PIK3C2G: variants seen among roughly 807,000 people sequenced by gnomAD.
PIK3C2G encodes the protein phosphatidylinositol 3-kinase C2 domain-containing subunit gamma.
PIK3C2G carries 168 observed loss-of-function variants against 181.1 expected under a neutral mutation model. The observed-to-expected ratio is 0.93, with a 90% CI of 0.82 to 1.05. The LOEUF (loss-of-function observed/expected upper bound fraction) is 1.05. Among genes scored for constraint, PIK3C2G ranks in the 50% least tolerant of loss-of-function variants. The probability of loss-of-function intolerance (pLI) is 0.00; values close to 1 mark genes in which losing one functional copy is unlikely to be tolerated. For synonymous variants in PIK3C2G, 573 were observed against 592.2 expected, an observed-to-expected ratio of 0.97 and a Z score of 0.47; for missense variants, 1,869 against 1,732.8, an observed-to-expected ratio of 1.08 and a Z score of -1.40.
chr12:18,598,302 T>C (rs1947493100), intron 30 of PIK3C2G, among the ~76,000 whole-genome samples: 1 of 151,718 alleles, frequency 6.6e-6, no homozygotes, highest in African/African-American at 2.4e-5. Flanking sequence ...AAAACAGAGA[T>C]ATAGATCAAT....
chr12:18,297,052 T>G (rs974958829), intron 5 of PIK3C2G, among the ~76,000 whole-genome samples: 7 of 152,048 alleles, frequency 4.6e-5, no homozygotes, highest in African/African-American at 7.2e-5. Context: ...CAGTCAGCCT[T>G]TCCAGTGAGC....
intron 11 of PIK3C2G, among the ~76,000 whole-genome samples, chr12:18,348,365 C>A (rs1202253804): frequency 6.6e-6 from 1 of 151,688 alleles, no homozygotes; most frequent in Non-Finnish European, 1.5e-5. Flanking sequence ...AATGATCTAA[C>A]CAACTCTCCT....
intron 22 of PIK3C2G, among the ~76,000 whole-genome samples, chr12:18,498,090 A>G (rs1460743428): frequency 1.3e-5 from 2 of 152,108 alleles, no homozygotes; most frequent in Non-Finnish European, 1.5e-5. Context: ...AAAGAATACA[A>G]TTGTTACTTA....
intron 16 of PIK3C2G, 81 bp downstream of exon 16, chr12:18,399,928 C>A: frequency 1.4e-6 from 1 of 718,346 alleles, no homozygotes; most frequent in Non-Finnish European, 2.1e-6. Flanking sequence ...ATAATTAATT[C>A]AATAGCTATT....
In PIK3C2G at chr12:18,423,826, G is replaced by T. The variant is rs1945627399; in HGVS notation, c.2410-119G>T. ...CATAAAATCATCGAATGTGTTATTA[G>T]CATTTTGTTAAAATATGCATGCTGT... On this transcript the variant is annotated intron_variant, in intron 17 of 32. Transcript: ENST00000538779. 2.3e-5 allele frequency: 15 copies of T among 651,566 alleles called. No homozygotes were observed. In the South Asian group the frequency reaches 2.6e-4, roughly 11 times the overall value. 40.4% of individuals were successfully genotyped at this position (651,566 alleles called of 1,614,324 possible).
In PIK3C2G at chr12:18,563,672, C is replaced by T. The variant is rs1297531612; in HGVS notation, c.3902+174C>T. 2.0e-5 allele frequency among the ~76,000 whole-genome samples: 3 copies of T among 152,146 alleles called. No individual in the cohort carries two copies. The East Asian group carries it at 5.8e-4, about 29-fold the overall frequency. On this transcript the variant is annotated intron_variant, in intron 28 of 32. Coordinates refer to ENST00000538779, the MANE Select transcript of PIK3C2G (RefSeq NM_001288772.2). ...GCTCTCAGAGTGAAGAATCTTTTGT[C>T]TCATAAAACAGAACAAGATTTGCAA...
chr12:18,267,903 A>G (rs1185373186), intron 1 of PIK3C2G, among the ~76,000 whole-genome samples: 2 of 152,210 alleles, frequency 1.3e-5, no homozygotes, highest in Non-Finnish European at 2.9e-5. Flanking sequence ...GTCACCATAG[A>G]TGCGACATTT....
chr12:18,286,922 G>A lies in PIK3C2G; in HGVS notation c.754G>A (p.Val252Ile). 6.5e-7 allele frequency: 1 copy of A among 1,537,104 alleles called. No homozygotes were observed. The highest frequency in any genetic ancestry group is 2.0e-5 in the Admixed American group (1 of 49,856). The change falls in exon 3 of 33, where the codon GTA (valine) becomes ATA (isoleucine). Residue 252 changes from valine (V) to isoleucine (I), a missense_variant. Val to Ile is a conservative substitution (Grantham distance 29). Transcript: ENST00000538779. ...GAGTCTGGCCTCTTTTTGCAACAAA[G>A]TAAAAAAGTGAGTACTGGTATTTCA... ...NTSLASFCNK[V>I]KKIRERYHAA...
the PIK3C2G span, chr12:18,693,618 T>A: frequency 3.8e-6 from 6 of 1,565,178 alleles, no homozygotes; most frequent in Non-Finnish European, 5.3e-6. Context: ...GCACCGTCCA[T>A]TGTGTTTATT....
chr12:18,650,319 C>CTATA (rs1327950260), downstream of PIK3C2G, among the ~76,000 whole-genome samples: 65 of 96,728 alleles, frequency 6.7e-4, no homozygotes, highest in Admixed American at 7.8e-4. Flanking sequence ...CTCTCTCTCT[C>CTATA]TCTCTCTCTC....
intron 16 of PIK3C2G, among the ~76,000 whole-genome samples, chr12:18,401,960 T>C (rs183648833): frequency 6.6e-6 from 1 of 152,230 alleles, no homozygotes; most frequent in East Asian, 1.9e-4. Context: ...TGGAAAACAG[T>C]GTGACAGTTT....
chr12:18,263,481 G>A (rs914449642), intron 1 of PIK3C2G, among the ~76,000 whole-genome samples: 18 of 152,038 alleles, frequency 1.2e-4, no homozygotes, highest in Non-Finnish European at 2.4e-4. Context: ...CTCTACAAAT[G>A]ATGTGAGATT....
intron 12 of PIK3C2G, among the ~76,000 whole-genome samples, chr12:18,367,203 C>T (rs1032799527): frequency 2.0e-5 from 3 of 152,108 alleles, no homozygotes; most frequent in African/African-American, 7.2e-5. Context: ...AAAGAAAGAA[C>T]ATTAAAGAAA....
intron 11 of PIK3C2G, among the ~76,000 whole-genome samples, chr12:18,355,744 C>T (rs1455918069): frequency 6.6e-6 from 1 of 152,234 alleles, no homozygotes; most frequent in African/African-American, 2.4e-5. Flanking sequence ...CCCATTCACA[C>T]ACCTGTGGCC....
At chr12:18,449,957 C>CT (rs1350683257) in intron 18 of PIK3C2G, among the ~76,000 whole-genome samples, 1 of 152,270 alleles carries the variant, frequency 6.6e-6, no homozygotes, top group East Asian at 1.9e-4. Flanking sequence ...TGTTTTCTGA[C>CT]TTTTTAATGA....
chr12:18,628,360 G>A (rs1369118622), intron 31 of PIK3C2G, among the ~76,000 whole-genome samples: 1 of 152,036 alleles, frequency 6.6e-6, no homozygotes, highest in African/African-American at 2.4e-5. Flanking sequence ...TTTAAAATGT[G>A]CTTTGTTTTT....
chr12:18,680,622 T>C, the PIK3C2G span, among the ~76,000 whole-genome samples: 1 of 151,994 alleles, frequency 6.6e-6, no homozygotes, highest in Admixed American at 6.6e-5. Context: ...ATAATTAAAC[T>C]TTTCTGTAAC....
chr12:18,498,094 T>C (rs1356247653), intron 22 of PIK3C2G, among the ~76,000 whole-genome samples: 1 of 151,578 alleles, frequency 6.6e-6, no homozygotes, highest in African/African-American at 2.4e-5. Flanking sequence ...AATACAATTG[T>C]TACTTATTAA....
At chr12:18,504,491 ACCTAGAACTAAGGCAC>A (rs1941697939) in intron 23 of PIK3C2G, among the ~76,000 whole-genome samples, 2 of 152,140 alleles carry the variant, frequency 1.3e-5, no homozygotes, top group Non-Finnish European at 2.9e-5. Context: ...CATGTAGGAA[ACCTAGAACTAAGGCAC>A]CCTAGCATGT....
Sources: gnomAD v4.1 joint callset for allele counts (sites outside exome capture counted in the v4.1 genomes callset) on GRCh38, gnomAD v4.1.1 for gene constraint, MANE v1.5 for transcripts, NCBI Gene and HGNC (gene_info 2026-07-23, HGNC 2026-07-21) for gene names.